Variants in SOD2 observed in about 807,000 individuals in gnomAD.
The protein encoded by SOD2 is superoxide dismutase 2.
SOD2 carries 11 observed loss-of-function variants against 27.0 expected under a neutral mutation model. The ratio of observed to expected loss-of-function variants is 0.41; its 90% CI spans 0.26 to 0.67. SOD2 has a LOEUF of 0.67. Among genes scored for constraint, SOD2 ranks in the 30% least tolerant of loss-of-function variants. SOD2 has a pLI of 0.34. For synonymous variants in SOD2, 105 were observed against 103.0 expected, an observed-to-expected ratio of 1.02 and a Z score of -0.12; for missense variants, 250 against 274.5, an observed-to-expected ratio of 0.91 and a Z score of 0.63.
chr6:159,690,972 T>C (rs1021933420), intron 2 of SOD2: 2 of 152,206 alleles, frequency 1.3e-5, no homozygotes, highest in Admixed American at 1.3e-4. Flanking sequence ...GATTATGACA[T>C]TGTTTTATCT....
Position 159,706,047 on chromosome 6 carries a change from C to A in SOD2, c.-115-13184G>T, listed in dbSNP as rs144254678. Among the ~76,000 whole-genome samples, 1,484 of 152,022 alleles carry A rather than the reference C, an allele frequency of 9.8e-3. 18 individuals carry two copies. Among genetic ancestry groups the A allele is most frequent in the Non-Finnish European group, 0.015 (1,039 of 67,972 alleles). On this transcript the variant is annotated intron_variant, in intron 1 of 2. Coordinates refer to the SOD2 transcript ENST00000401980. ...TCATAAGTGAAGGAGAAATAAAATCCTTTACAAACAAGCAAATGCTGAGAG... is the reference window on the plus strand; with the variant it reads ...TCATAAGTGAAGGAGAAATAAAATCATTTACAAACAAGCAAATGCTGAGAG...
upstream of SOD2, among the ~76,000 whole-genome samples, chr6:159,694,746 C>A (rs1777385556): frequency 6.9e-6 from 1 of 144,346 alleles, no homozygotes; most frequent in Non-Finnish European, 1.5e-5. Context: ...CAGGCGTGCA[C>A]CTCCACGCCC....
At chr6:159,693,661 G>T (rs888511177), upstream of SOD2, among the ~76,000 whole-genome samples, 7 of 152,302 alleles carry the variant, frequency 4.6e-5, no homozygotes, top group East Asian at 1.4e-3. Context: ...CTGCCGGGGG[G>T]CCGCGGGGTC....
upstream of SOD2, among the ~76,000 whole-genome samples, chr6:159,730,130 A>G (rs963347662): frequency 1.3e-5 from 2 of 152,172 alleles, no homozygotes; most frequent in Non-Finnish European, 2.9e-5. Context: ...CCTTACCCCC[A>G]ATTTATTAAT....
upstream of SOD2, among the ~76,000 whole-genome samples, chr6:159,728,419 AC>A (rs757626442): frequency 1.8e-4 from 24 of 135,478 alleles, 1 homozygote; most frequent in Middle Eastern, 7.2e-3. Context: ...TGTAAAAAAA[AC>A]AAAACAAAAC....
At chr6:159,726,643 C>A in intron 1 of SOD2, 1 of 556,468 alleles carries the variant, frequency 1.8e-6, no homozygotes, top group Non-Finnish European at 2.8e-6. Context: ...TGATTGAGTT[C>A]ACTAAACCTC....
In SOD2 at chr6:159,675,451, A is replaced by G. The variant is rs1310020866; in HGVS notation, c.*7042T>C. On this transcript the variant is annotated 3_prime_UTR_variant, in exon 5 of 5. Coordinates refer to ENST00000538183, the MANE Select transcript of SOD2 (RefSeq NM_000636.4). ...CCCTCAGAAATAATACCACACATCT[A>G]CAACTATCTGATCTTTGAGAAACCT... The G allele has an allele frequency of 2.6e-5, 4 of 152,230 alleles. No individual in the cohort carries two copies. The highest frequency in any genetic ancestry group is 9.6e-5 in the African/African-American group (4 of 41,456). 9.4% of individuals were successfully genotyped at this position (152,230 alleles called of 1,614,324 possible).
chr6:159,687,277 G>C (rs1780235173), intron 3 of SOD2, among the ~76,000 whole-genome samples: 1 of 152,094 alleles, frequency 6.6e-6, no homozygotes, highest in Non-Finnish European at 1.5e-5. Flanking sequence ...TTGAGGCCAG[G>C]AGTTCGAGAC....
intron 4 of SOD2, among the ~76,000 whole-genome samples, chr6:159,684,397 A>G (rs553088755): frequency 5.4e-4 from 82 of 151,950 alleles, no homozygotes; most frequent in African/African-American, 1.9e-3. Flanking sequence ...GCAGGCAGAT[A>G]CCTGAGGTCA....
chr6:159,729,527 A>G (rs941903749), upstream of SOD2, among the ~76,000 whole-genome samples: 1 of 152,246 alleles, frequency 6.6e-6, no homozygotes, highest in African/African-American at 2.4e-5. Context: ...TTCTAAGTGC[A>G]CATTGAAGTT....
chr6:159,711,231 C>T (rs62437326), intron 1 of SOD2, among the ~76,000 whole-genome samples: 84 of 19,322 alleles, frequency 4.3e-3, no homozygotes, highest in Admixed American at 0.01. Flanking sequence ...ACCACCTCCA[C>T]AACCACCACT....
chr6:159,709,238 A>G (rs1777683955), intron 1 of SOD2, among the ~76,000 whole-genome samples: 1 of 152,236 alleles, frequency 6.6e-6, no homozygotes, highest in Admixed American at 6.5e-5. Flanking sequence ...ACCAAAAGCA[A>G]TGGCAACAAA....
chr6:159,757,937 T>A (rs1780048519), intron 1 of SOD2, among the ~76,000 whole-genome samples: 1 of 152,232 alleles, frequency 6.6e-6, no homozygotes, highest in Non-Finnish European at 1.5e-5. Flanking sequence ...CAACCAGTGA[T>A]ACAATTTTAT....
intron 1 of SOD2, among the ~76,000 whole-genome samples, chr6:159,702,671 A>AG (rs1777544685): frequency 6.8e-6 from 1 of 147,922 alleles, no homozygotes; most frequent in African/African-American, 2.5e-5. Context: ...AAAAAAAAAA[A>AG]AAAAAAAAGA....
intron 1 of SOD2, among the ~76,000 whole-genome samples, chr6:159,734,415 T>C (rs1467667417): frequency 6.6e-6 from 1 of 152,070 alleles, no homozygotes; most frequent in Non-Finnish European, 1.5e-5. Flanking sequence ...TACCAAGCTT[T>C]TGGTCAAATT....
At chr6:159,733,891 G>A (rs1778743768) in intron 1 of SOD2, among the ~76,000 whole-genome samples, 2 of 152,078 alleles carry the variant, frequency 1.3e-5, no homozygotes, top group Non-Finnish European at 2.9e-5. Context: ...ACTCCACCCC[G>A]GGCAACAAGA....
rs560962170 is a variant in SOD2 at position 159,671,832 on chromosome 6, T to A, written c.*10661A>T. ...AAGTTCGAACCCATCACAAAGAACC[T>A]AAAAACCTTGAAAAAAGATTAGACA... On this transcript the variant is annotated 3_prime_UTR_variant, in exon 5 of 5. Transcript: ENST00000538183. 26 of 152,208 alleles carry A rather than the reference T, an allele frequency of 1.7e-4. No homozygotes were observed. Among genetic ancestry groups the A allele is most frequent in the Non-Finnish European group, 3.4e-4 (23 of 68,006 alleles). The allele number at this position is 152,208 out of a possible 1,614,324, so 9.4% of individuals were successfully genotyped here.
intron 1 of SOD2, chr6:159,720,580 A>C (rs1778016537): frequency 6.6e-6 from 1 of 152,400 alleles, no homozygotes; most frequent in Admixed American, 6.5e-5. Context: ...TTTCATTTGA[A>C]ATGGTGACTT....
chr6:159,726,153 T>G (rs1482244537), intron 1 of SOD2: 2 of 152,592 alleles, frequency 1.3e-5, no homozygotes, highest in African/African-American at 4.8e-5. Flanking sequence ...TCCGTGGAAC[T>G]TGAACCATTT....
Sources: allele counts gnomAD v4.1 joint callset (sites outside exome capture counted in the v4.1 genomes callset), GRCh38; gene constraint gnomAD v4.1.1; transcripts MANE v1.5; gene names NCBI Gene and HGNC (gene_info 2026-07-23, HGNC 2026-07-21).